The following PTGER4 variants were observed in gnomAD, a reference collection of about 807,000 sequenced individuals.
PTGER4 encodes prostaglandin E receptor 4, also known as prostaglandin E2 receptor EP4 subtype.
Under a neutral mutation model 33.2 loss-of-function variants are expected in PTGER4, and 11 were observed. That is an observed-to-expected ratio of 0.33 (90% CI 0.21 to 0.55). The LOEUF is 0.55. Ranked by LOEUF, PTGER4 falls within the 20% of genes least tolerant of loss-of-function variation. PTGER4 has a pLI of 0.92. For missense variants in PTGER4, 481 were observed against 650.2 expected, an observed-to-expected ratio of 0.74 and a Z score of 2.83; for synonymous variants, 275 against 281.5, an observed-to-expected ratio of 0.98 and a Z score of 0.23.
chr5:40,715,443 T>C, the PTGER4 span: 1 of 152,374 alleles, frequency 6.6e-6, no homozygotes, highest in East Asian at 1.9e-4. Context: ...ACTGTAACAA[T>C]TAAAAAATAA....
the PTGER4 span, among the ~76,000 whole-genome samples, chr5:40,746,005 T>C: frequency 5.9e-4 from 90 of 152,288 alleles, 1 homozygote; most frequent in African/African-American, 2.1e-3. Flanking sequence ...ATTAATTGCA[T>C]AGTTTTACCT....
At chr5:40,741,938 G>A in the PTGER4 span, among the ~76,000 whole-genome samples, 4 of 152,158 alleles carry the variant, frequency 2.6e-5, no homozygotes, top group South Asian at 2.1e-4. Context: ...ACAGTGAGCC[G>A]AGATCATGCC....
chr5:40,684,543 T>C (rs1463727136), intron 2 of PTGER4, among the ~76,000 whole-genome samples: 4 of 151,858 alleles, frequency 2.6e-5, no homozygotes, highest in Non-Finnish European at 5.9e-5. Context: ...TAGAGGGGGG[T>C]TGGTATTGAG....
the PTGER4 span, among the ~76,000 whole-genome samples, chr5:40,707,751 C>T: frequency 6.6e-6 from 1 of 152,164 alleles, no homozygotes; most frequent in African/African-American, 2.4e-5. Context: ...CCACACCACA[C>T]CTATTCCAAA....
At chr5:40,695,243 CTA>C (rs1158685380), downstream of PTGER4, among the ~76,000 whole-genome samples, 1 of 152,238 alleles carries the variant, frequency 6.6e-6, no homozygotes. Flanking sequence ...AACTCTGTCT[CTA>C]TTAAAAATAC....
At chr5:40,736,591 A>C in the PTGER4 span, among the ~76,000 whole-genome samples, 1 of 152,338 alleles carries the variant, frequency 6.6e-6, no homozygotes, top group Admixed American at 6.5e-5. Flanking sequence ...ACTTGAACAA[A>C]ATAATTTACA....
the PTGER4 span, chr5:40,728,618 T>G: frequency 1.5e-6 from 1 of 689,654 alleles, no homozygotes; most frequent in East Asian, 3.0e-5. Context: ...TACTCTGCCA[T>G]TCAGGGTAAG....
the PTGER4 span, among the ~76,000 whole-genome samples, chr5:40,703,681 G>A: frequency 6.6e-6 from 1 of 151,948 alleles, no homozygotes; most frequent in African/African-American, 2.4e-5. Context: ...GAGGTGGACA[G>A]ATCACAAGGT....
chr5:40,741,517 A>C, the PTGER4 span, among the ~76,000 whole-genome samples: 1 of 152,132 alleles, frequency 6.6e-6, no homozygotes, highest in Non-Finnish European at 1.5e-5. Context: ...GACCTCATAG[A>C]CTTCTGGAGC....
chr5:40,722,251 C>T, the PTGER4 span, among the ~76,000 whole-genome samples: 7 of 152,236 alleles, frequency 4.6e-5, no homozygotes, highest in African/African-American at 9.6e-5. Flanking sequence ...GATCTCGGCT[C>T]GCTGCAACCT....
the PTGER4 span, among the ~76,000 whole-genome samples, chr5:40,730,040 ATAGT>A: frequency 6.6e-6 from 1 of 152,222 alleles, no homozygotes. Context: ...CTATCTTACA[ATAGT>A]TAGGCTAAAA....
Position 40,692,316 on chromosome 5 carries a change from G to C in PTGER4, c.1405G>C (p.Gly469Arg). 1 of 1,612,356 alleles carries C rather than the reference G, an allele frequency of 6.2e-7. No homozygotes were observed. Among genetic ancestry groups the C allele is most frequent in the East Asian group, 2.2e-5 (1 of 44,844 alleles). ...GSGRAGPAPKGSSLQVTFPSE... is the reference protein window; with the variant it reads ...GSGRAGPAPKRSSLQVTFPSE... The stretch of plus-strand genomic sequence containing the variant: ...CGGCAGGGCTGGGCCTGCCCCTAAG[G>C]GGAGCTCCCTGCAAGTCACATTTCC... Residue 469 changes from glycine to arginine, a missense_variant, in exon 3 of 3, where the codon GGG becomes CGG. Gly to Arg is a moderately radical substitution (Grantham distance 125). Coordinates refer to ENST00000302472, the MANE Select transcript of PTGER4 (RefSeq NM_000958.3).
chr5:40,709,062 C>T, the PTGER4 span, among the ~76,000 whole-genome samples: 2 of 152,090 alleles, frequency 1.3e-5, no homozygotes, highest in Non-Finnish European at 2.9e-5. Flanking sequence ...TATGACAAAC[C>T]CACAGCCAAT....
chr5:40,730,157 G>T, the PTGER4 span: 1 of 844,388 alleles, frequency 1.2e-6, no homozygotes, highest in Non-Finnish European at 1.8e-6. Flanking sequence ...AACCGTATTT[G>T]TAAAAGAAAA....
the PTGER4 span, among the ~76,000 whole-genome samples, chr5:40,741,423 C>T: frequency 1.3e-5 from 2 of 152,194 alleles, no homozygotes; most frequent in South Asian, 4.1e-4. Context: ...AATGGTTCAG[C>T]TTACAACTTC....
chr5:40,728,223 G>T, the PTGER4 span: 4 of 737,760 alleles, frequency 5.4e-6, no homozygotes, highest in Non-Finnish European at 7.7e-6. Context: ...GGCGGAGGTT[G>T]CCGTGAGCTG....
chr5:40,716,421 T>C, the PTGER4 span: 1 of 1,613,904 alleles, frequency 6.2e-7, no homozygotes, highest in Middle Eastern at 1.6e-4. Flanking sequence ...GGAGCGTTCT[T>C]GCCCAAGAGA....
the PTGER4 span, among the ~76,000 whole-genome samples, chr5:40,746,471 A>G: frequency 6.6e-6 from 1 of 152,328 alleles, no homozygotes; most frequent in Middle Eastern, 3.4e-3. Context: ...GTTTCCAGTG[A>G]TAAGACCACC....
At chr5:40,712,960 G>T in the PTGER4 span, among the ~76,000 whole-genome samples, 1 of 152,058 alleles carries the variant, frequency 6.6e-6, no homozygotes, top group Non-Finnish European at 1.5e-5. Context: ...TGACTTTAGG[G>T]ATAACCTCCT....
Sources: gnomAD v4.1 joint callset for allele counts (sites outside exome capture counted in the v4.1 genomes callset) on GRCh38, gnomAD v4.1.1 for gene constraint, MANE v1.5 for transcripts, NCBI Gene and HGNC (gene_info 2026-07-23, HGNC 2026-07-21) for gene names.